DGKB: variants seen among roughly 807,000 people sequenced by gnomAD.
The protein encoded by DGKB is diacylglycerol kinase beta.
In DGKB, 67 loss-of-function variants were observed where a neutral mutation model predicts 114.3. The ratio of observed to expected loss-of-function variants is 0.59; its 90% CI spans 0.48 to 0.72. The LOEUF (loss-of-function observed/expected upper bound fraction) is 0.72. Ranked by LOEUF, DGKB falls within the 30% of genes least tolerant of loss-of-function variation. The pLI is 0.00. For synonymous variants in DGKB, 398 were observed against 323.1 expected (o/e 1.23, Z -2.49); for missense variants, 907 against 975.2 (o/e 0.93, Z 0.93).
At chr7:14,619,318 G>A (rs972792836) in intron 15 of DGKB, among the ~76,000 whole-genome samples, 6 of 151,500 alleles carry the variant, frequency 4.0e-5, no homozygotes, top group Non-Finnish European at 8.9e-5. Flanking sequence ...CACAAAGAAT[G>A]TTAATCATCT....
In DGKB at chr7:14,393,848, G is replaced by A. The variant is rs531268779; in HGVS notation, c.1836-48457C>T. On this transcript the variant is annotated intron_variant, in intron 21 of 25. Transcript: ENST00000402815. ...TAGAAAAACCATAAGCAACCTCTCT[G>A]AACTGATGTTACATATAACATGAAG... is the stretch of plus-strand genomic sequence containing the variant. Among the ~76,000 whole-genome samples the A allele has an allele frequency of 2.3e-3, 356 of 152,222 alleles. 1 individual carries two copies. The highest frequency in any genetic ancestry group is 4.3e-3 in the Non-Finnish European group (292 of 68,018).
chr7:14,789,500 A>T (rs762276203), intron 2 of DGKB, among the ~76,000 whole-genome samples: 19 of 152,156 alleles, frequency 1.2e-4, no homozygotes, highest in Non-Finnish European at 2.1e-4. Flanking sequence ...CCAGTTGAAG[A>T]CTATCTGGGT....
intron 21 of DGKB, among the ~76,000 whole-genome samples, chr7:14,370,357 T>G (rs886909988): frequency 1.3e-5 from 2 of 152,128 alleles, no homozygotes; most frequent in Admixed American, 6.5e-5. Context: ...AGTCAGGTAG[T>G]GTGATGCCTC....
chr7:14,342,976 C>A (rs981918223), intron 22 of DGKB, among the ~76,000 whole-genome samples: 1 of 151,702 alleles, frequency 6.6e-6, no homozygotes, highest in African/African-American at 2.4e-5. Flanking sequence ...ATTTTTCAAA[C>A]CATAGTAGGT....
intron 23 of DGKB, among the ~76,000 whole-genome samples, chr7:14,238,020 G>A (rs1793065881): frequency 6.6e-6 from 1 of 151,936 alleles, no homozygotes; most frequent in African/African-American, 2.4e-5. Context: ...TTAGATTGGT[G>A]TTTCCTATAT....
rs3036019 is a variant in DGKB at position 14,919,095 on chromosome 7, A to AACACACACACAC, written c.-188+55589_-188+55600dup. ...ACACACACACACACACACACACACAAACACACACACACACACACACACACA... is the reference window on the plus strand; with the variant it reads ...ACACACACACACACACACACACACAAACACACACACACACACACACACACACACACACACACA... On this transcript the variant is annotated intron_variant, in intron 1 of 4. Coordinates refer to the DGKB transcript ENST00000437998. 3.2e-3 allele frequency among the ~76,000 whole-genome samples: 373 copies of AACACACACACAC among 114,960 alleles called. 3 individuals carry two copies. Among genetic ancestry groups the AACACACACACAC allele is most frequent in the African/African-American group, 0.012 (344 of 27,764 alleles). 75.4% of individuals were successfully genotyped at this position (114,960 alleles called of 152,430 possible). A position where few individuals can be genotyped will look rare whatever the true frequency, so the allele number is the denominator to read the frequency against.
At chr7:14,475,229 C>T (rs574502554) in intron 21 of DGKB, among the ~76,000 whole-genome samples, 1 of 152,120 alleles carries the variant, frequency 6.6e-6, no homozygotes, top group African/African-American at 2.4e-5. Flanking sequence ...ATTAGGAGTA[C>T]TTAAAAAAAT....
chr7:14,295,001 G>T (rs2128477635), intron 23 of DGKB, among the ~76,000 whole-genome samples: 1 of 152,212 alleles, frequency 6.6e-6, no homozygotes, highest in South Asian at 2.1e-4. Context: ...AACAATTGAG[G>T]AAGGGCATCC....
At chr7:14,563,181 G>A (rs1489942662) in intron 20 of DGKB, among the ~76,000 whole-genome samples, 1 of 152,128 alleles carries the variant, frequency 6.6e-6, no homozygotes, top group Non-Finnish European at 1.5e-5. Flanking sequence ...TGATTGGGAG[G>A]CCTCCCCAGC....
intron 2 of DGKB, among the ~76,000 whole-genome samples, chr7:14,830,608 A>C (rs982969545): frequency 1.3e-5 from 2 of 152,052 alleles, no homozygotes; most frequent in Non-Finnish European, 2.9e-5. Context: ...GCCTTGATTC[A>C]GTAAGAAACT....
At chr7:14,318,481 T>G (rs1807067309) in intron 23 of DGKB, among the ~76,000 whole-genome samples, 1 of 152,134 alleles carries the variant, frequency 6.6e-6, no homozygotes, top group South Asian at 2.1e-4. Flanking sequence ...GCGAAGGACA[T>G]CAACAGACAC....
At chr7:14,645,249 C>T (rs1344714908) in intron 13 of DGKB, among the ~76,000 whole-genome samples, 1 of 152,116 alleles carries the variant, frequency 6.6e-6, no homozygotes, top group East Asian at 1.9e-4. Context: ...CAATACAATT[C>T]TACTATATCT....
rs779311841 is a variant in DGKB, at chr7:14,866,156, C to T, written c.-187-24706G>A. Among the ~76,000 whole-genome samples the T allele has an allele frequency of 1.4e-4, 21 of 152,150 alleles. No individual in the cohort carries two copies. The Middle Eastern group carries it at 0.014, about 99-fold the overall frequency. On this transcript the variant is annotated intron_variant, in intron 1 of 25. Transcript: ENST00000402815. ...TAGCAAAACTAAGAGGAAGGTACGG[C>T]GATTTTTCTCATATCCCTGCCCATA... is the stretch of plus-strand genomic sequence containing the variant.
chr7:14,923,417 T>A (rs966510121), intron 1 of DGKB, among the ~76,000 whole-genome samples: 1 of 152,200 alleles, frequency 6.6e-6, no homozygotes, highest in Admixed American at 6.5e-5. Context: ...ATAAATGAGA[T>A]TATATGCTTT....
chr7:14,633,085 A>G (rs960998040), intron 13 of DGKB, among the ~76,000 whole-genome samples: 2 of 151,932 alleles, frequency 1.3e-5, no homozygotes, highest in African/African-American at 4.8e-5. Context: ...CCACTTTGCA[A>G]TTAATTGGCA....
chr7:14,782,853 C>G (rs968525871), intron 2 of DGKB, among the ~76,000 whole-genome samples: 5 of 151,888 alleles, frequency 3.3e-5, no homozygotes, highest in African/African-American at 1.2e-4. Context: ...ATTTTTAAGA[C>G]AGATGCGGTC....
chr7:14,354,837 T>C (rs577640693), intron 21 of DGKB, among the ~76,000 whole-genome samples: 1 of 152,210 alleles, frequency 6.6e-6, no homozygotes, highest in East Asian at 1.9e-4. Context: ...ATATATTAAG[T>C]GGTATATAAA....
chr7:14,682,739 G>A lies in DGKB; in HGVS notation c.918+14C>T. On this transcript the variant is annotated intron_variant, in intron 11 of 25. Coordinates refer to ENST00000402815, the MANE Select transcript of DGKB (RefSeq NM_001350709.2). The stretch of plus-strand genomic sequence containing the variant: ...ATGGCCACCTTCAGAAAGCAAGCAT[G>A]CACACAAACTTACATCAGTGTTCCT... 4 of 1,611,060 alleles carry A rather than the reference G, an allele frequency of 2.5e-6. No individual in the cohort carries two copies. Among genetic ancestry groups the A allele is most frequent in the East Asian group, 2.2e-5 (1 of 44,854 alleles).
intron 14 of DGKB, 42 bp from the exon 15 acceptor site, chr7:14,621,536 A>C: frequency 8.5e-7 from 1 of 1,175,312 alleles, no homozygotes; most frequent in Non-Finnish European, 1.2e-6. Context: ...AATTAGGAAA[A>C]TAACATAATA....
Sources: gnomAD v4.1 joint callset for allele counts (sites outside exome capture counted in the v4.1 genomes callset) on GRCh38, gnomAD v4.1.1 for gene constraint, MANE v1.5 for transcripts, NCBI Gene and HGNC (gene_info 2026-07-23, HGNC 2026-07-21) for gene names.